SCN9A: variants seen among roughly 807,000 people sequenced by gnomAD.
SCN9A encodes sodium channel protein type 9 subunit alpha.
SCN9A carries 131 observed loss-of-function variants against 187.0 expected under a neutral mutation model. The ratio of observed to expected loss-of-function variants is 0.70; its 90% CI spans 0.61 to 0.81. The LOEUF (loss-of-function observed/expected upper bound fraction) is 0.81. Among genes scored for constraint, SCN9A ranks in the 30% least tolerant of loss-of-function variants. The probability of loss-of-function intolerance (pLI) is 0.00; values close to 1 mark genes in which losing one functional copy is unlikely to be tolerated. For missense variants in SCN9A, 2,252 were observed against 2,396.6 expected (o/e 0.94, Z 1.26); for synonymous variants, 809 against 808.6 (o/e 1.00, Z -0.01).
Position 166,306,522 on chromosome 2 carries a change from G to A in SCN9A, c.455C>T (p.Thr152Ile), listed in dbSNP as rs761441210. 6.4e-7 allele frequency: 1 copy of A among 1,557,878 alleles called. No individual in the cohort carries two copies. The highest frequency in any genetic ancestry group is 1.2e-5 in the South Asian group (1 of 85,720). ...TATACCCACTTACTCGACATTTTTGGTCCAGTCCGGTGGGTTATTCATGGT... is the reference window on the plus strand; with the variant it reads ...TATACCCACTTACTCGACATTTTTGATCCAGTCCGGTGGGTTATTCATGGT... ...FMTMNNPPDW[T>I]KNVEYTFTGI... Residue 152 changes from threonine to isoleucine, a missense_variant, in exon 4 of 27, where the codon ACC becomes ATC. Physicochemically the swap from Thr to Ile is moderately conservative, Grantham distance 89. This residue lies in a region of SCN9A where 1,013 missense variants were observed against 997.4 expected (regional missense o/e 1.02). Transcript: ENST00000642356.
rs201972510 is a variant in SCN9A, at chr2:166,199,166, C to A, written c.5473G>T (p.Ala1825Ser). The A allele has an allele frequency of 5.0e-6, 8 of 1,614,042 alleles. No homozygotes were observed. The highest frequency in any genetic ancestry group is 5.9e-6 in the Non-Finnish European group (7 of 1,180,040). The change falls in exon 27 of 27, where the codon GCC becomes TCC. Residue 1825 changes from alanine to serine, a missense_variant. Around this residue, in one of 7 missense-constraint regions of SCN9A, gnomAD observed 345 missense variants for 344.6 expected, o/e 1.00. Coordinates refer to ENST00000642356, the MANE Select transcript of SCN9A (RefSeq NM_001365536.1). ...CCACTAACCATGGGCAGATCCATGGCAATGAGCTGGACTTTGTTGGGTTTT... is the reference window on the plus strand; with the variant it reads ...CCACTAACCATGGGCAGATCCATGGAAATGAGCTGGACTTTGTTGGGTTTT... ...IAKPNKVQLI[A>S]MDLPMVSGDR...
intron 1 of SCN9A, among the ~76,000 whole-genome samples, chr2:166,363,528 A>G (rs1252171522): frequency 1.3e-5 from 2 of 152,094 alleles, no homozygotes; most frequent in Non-Finnish European, 2.9e-5. Context: ...TAATACTGGT[A>G]TAAAAGAAAA....
Position 166,335,239 on chromosome 2 carries a change from C to T in SCN9A, c.-50-23433G>A, listed in dbSNP as rs143323637. ...CTCACAGCTTTGTCACTGTCAGTCA[C>T]TCACAGGTACAAACTCATAACTAAA... is the stretch of plus-strand genomic sequence containing the variant. On this transcript the variant is annotated intron_variant, in intron 1 of 26. Transcript: ENST00000642356. Among the ~76,000 whole-genome samples the T allele has an allele frequency of 4.7e-4, 71 of 152,132 alleles. 1 individual carries two copies. Among genetic ancestry groups the T allele is most frequent in the African/African-American group, 1.7e-3 (70 of 41,556 alleles).
At chr2:166,370,883 C>T (rs1407156713) in intron 1 of SCN9A, among the ~76,000 whole-genome samples, 1 of 151,596 alleles carries the variant, frequency 6.6e-6, no homozygotes, top group African/African-American at 2.4e-5. Flanking sequence ...TAAATGTACA[C>T]ACTCTTTCTA....
chr2:166,373,988 AATTT>A, intron 1 of SCN9A, among the ~76,000 whole-genome samples: 2 of 152,202 alleles, frequency 1.3e-5, no homozygotes, highest in African/African-American at 2.4e-5. Flanking sequence ...TGCTCTTCTG[AATTT>A]ATTTATTTGT....
rs1469254435 is a variant in SCN9A at position 166,199,177 on chromosome 2, A to C, written c.5462T>G (p.Val1821Gly). 1 of 1,614,206 alleles carries C rather than the reference A, an allele frequency of 6.2e-7. No individual in the cohort carries two copies. Among genetic ancestry groups the C allele is most frequent in the African/African-American group, 1.3e-5 (1 of 75,052 alleles). ...PPLLIAKPNK[V>G]QLIAMDLPMV... ...GGGCAGATCCATGGCAATGAGCTGG[A>C]CTTTGTTGGGTTTTGCTATGAGAAG... Residue 1821 changes from valine to glycine, a missense_variant, in exon 27 of 27, where the codon GTC (valine) becomes GGC (glycine). Around this residue, in one of 7 missense-constraint regions of SCN9A, gnomAD observed 345 missense variants for 344.6 expected, o/e 1.00. Transcript: ENST00000642356.
intron 1 of SCN9A, among the ~76,000 whole-genome samples, chr2:166,349,286 T>A (rs1268320056): frequency 6.6e-6 from 1 of 152,178 alleles, no homozygotes; most frequent in Non-Finnish European, 1.5e-5. Context: ...TATTCAGTTG[T>A]ATACACTCTT....
At chr2:166,303,934 G>T (rs1431685178) in intron 6 of SCN9A, 2 of 1,217,738 alleles carry the variant, frequency 1.6e-6, no homozygotes, top group East Asian at 2.5e-5. Flanking sequence ...GAAAACAGAA[G>T]AAATCAAATT....
intron 9 of SCN9A, 149 bp downstream of exon 9, chr2:166,293,081 AT>A: frequency 1.6e-6 from 1 of 623,064 alleles, no homozygotes; most frequent in Non-Finnish European, 2.7e-6. Flanking sequence ...ATTATTAGTG[AT>A]GGGAGTAAAA....
At chr2:166,295,225 G>A (rs1698246009) in intron 7 of SCN9A, among the ~76,000 whole-genome samples, 1 of 152,194 alleles carries the variant, frequency 6.6e-6, no homozygotes. Context: ...GCTACAGTGT[G>A]GTGAGAGGGA....
intron 1 of SCN9A, among the ~76,000 whole-genome samples, chr2:166,349,081 C>T (rs1559055793): frequency 6.6e-6 from 1 of 152,028 alleles, no homozygotes; most frequent in Non-Finnish European, 1.5e-5. Flanking sequence ...GAGCCGAGAT[C>T]ACGCCATTGC....
chr2:166,210,008 G>A (rs995701511), intron 24 of SCN9A, among the ~76,000 whole-genome samples: 12 of 152,082 alleles, frequency 7.9e-5, no homozygotes, highest in East Asian at 1.9e-4. Context: ...GCATGCACAC[G>A]TATGTTTATT....
chr2:166,238,970 CTCTA>C (rs1325474741), intron 19 of SCN9A, among the ~76,000 whole-genome samples: 1 of 152,246 alleles, frequency 6.6e-6, no homozygotes, highest in East Asian at 1.9e-4. Flanking sequence ...ATTAGGTGAG[CTCTA>C]TCTAATGTAG....
chr2:166,307,956 T>A (rs1698811456), intron 2 of SCN9A, among the ~76,000 whole-genome samples: 1 of 152,170 alleles, frequency 6.6e-6, no homozygotes, highest in Non-Finnish European at 1.5e-5. Context: ...TTATATAGGG[T>A]TATCAGTGGG....
At chr2:166,210,978 C>G (rs952998646) in intron 24 of SCN9A, among the ~76,000 whole-genome samples, 4 of 151,994 alleles carry the variant, frequency 2.6e-5, no homozygotes, top group Admixed American at 2.0e-4. Flanking sequence ...GAGAGAATTG[C>G]TTGAACCCAC....
At chr2:166,206,376 A>T (rs1693806278) in intron 24 of SCN9A, among the ~76,000 whole-genome samples, 1 of 152,198 alleles carries the variant, frequency 6.6e-6, no homozygotes, top group African/African-American at 2.4e-5. Flanking sequence ...GACATGCATG[A>T]AGCTGGAAAC....
chr2:166,243,514 G>C (rs1411014928), intron 18 of SCN9A, among the ~76,000 whole-genome samples: 1 of 152,034 alleles, frequency 6.6e-6, no homozygotes, highest in Non-Finnish European at 1.5e-5. Context: ...GAGAAAGAGA[G>C]ATCAGTAGAG....
At chr2:166,251,402 A>T (rs1696030166) in intron 18 of SCN9A, among the ~76,000 whole-genome samples, 1 of 152,078 alleles carries the variant, frequency 6.6e-6, no homozygotes, top group Non-Finnish European at 1.5e-5. Flanking sequence ...GTTTTCTGAG[A>T]GTTAGTGAGT....
chr2:166,300,780 T>G (rs1209055090), intron 7 of SCN9A, among the ~76,000 whole-genome samples: 1 of 151,004 alleles, frequency 6.6e-6, no homozygotes, highest in African/African-American at 2.5e-5. Context: ...TAAAGAATAA[T>G]GTACAGATTT....
Sources: gnomAD v4.1 joint callset for allele counts (sites outside exome capture counted in the v4.1 genomes callset) on GRCh38, gnomAD v4.1.1 for gene constraint, gnomAD v4.1.1 regional missense constraint, MANE v1.5 for transcripts, NCBI Gene and HGNC (gene_info 2026-07-23, HGNC 2026-07-21) for gene names.